PCSK2: variants seen among roughly 807,000 people sequenced by gnomAD.
PCSK2 encodes the protein proprotein convertase subtilisin/kexin type 2.
PCSK2 carries 14 observed loss-of-function variants against 69.7 expected under a neutral mutation model. That is an observed-to-expected ratio of 0.20 (90% CI 0.13 to 0.31). The LOEUF is 0.31. Among genes scored for constraint, PCSK2 ranks in the 10% least tolerant of loss-of-function variants. PCSK2 has a pLI of 1.00. For synonymous variants in PCSK2, 307 were observed against 320.7 expected (o/e 0.96, Z 0.46); for missense variants, 544 against 842.5 (o/e 0.65, Z 4.39).
At chr20:17,255,775 A>G (rs1987156094) in intron 1 of PCSK2, among the ~76,000 whole-genome samples, 1 of 152,156 alleles carries the variant, frequency 6.6e-6, no homozygotes, top group Admixed American at 6.5e-5. Context: ...ATTGATTTTC[A>G]GATGTTAAAA....
intron 10 of PCSK2, among the ~76,000 whole-genome samples, chr20:17,457,166 C>A (rs746921028): frequency 1.1e-4 from 16 of 152,224 alleles, no homozygotes; most frequent in Non-Finnish European, 1.6e-4. Flanking sequence ...AGAATGAACA[C>A]ATGGGCTTCA....
At chr20:17,249,380 G>T (rs6044697) in intron 1 of PCSK2, among the ~76,000 whole-genome samples, 2 of 151,140 alleles carry the variant, frequency 1.3e-5, no homozygotes, top group African/African-American at 2.4e-5. Context: ...GGTGGTGGGC[G>T]CCTGTAGTCC....
intron 2 of PCSK2, among the ~76,000 whole-genome samples, chr20:17,357,896 A>G (rs78937143): frequency 6.8e-6 from 1 of 147,320 alleles, no homozygotes; most frequent in South Asian, 2.1e-4. Flanking sequence ...CTCTGTCTCA[A>G]AAAAAAAAAA....
chr20:17,436,335 G>A (rs1056937486), intron 7 of PCSK2, among the ~76,000 whole-genome samples: 1 of 152,072 alleles, frequency 6.6e-6, no homozygotes, highest in Non-Finnish European at 1.5e-5. Context: ...ATATGTAGTA[G>A]CTTTATTTCT....
chr20:17,439,842 G>A (rs1033867362), intron 8 of PCSK2, among the ~76,000 whole-genome samples: 1 of 152,228 alleles, frequency 6.6e-6, no homozygotes, highest in Non-Finnish European at 1.5e-5. Flanking sequence ...TGCAAAGACA[G>A]TTTCCTTGGG....
At chr20:17,390,150 A>T (rs768240068) in intron 5 of PCSK2, among the ~76,000 whole-genome samples, 1 of 152,246 alleles carries the variant, frequency 6.6e-6, no homozygotes, top group Admixed American at 6.5e-5. Context: ...AGACAAATGC[A>T]AGAGTACATA....
At chr20:17,253,173 G>A (rs957319274) in intron 1 of PCSK2, among the ~76,000 whole-genome samples, 23 of 152,100 alleles carry the variant, frequency 1.5e-4, no homozygotes, top group African/African-American at 4.8e-4. Context: ...TCACAAAGCT[G>A]TTCATCATAG....
intron 2 of PCSK2, among the ~76,000 whole-genome samples, chr20:17,269,587 GA>G (rs947272160): frequency 6.6e-6 from 1 of 152,128 alleles, no homozygotes; most frequent in Non-Finnish European, 1.5e-5. Flanking sequence ...ATGAACTTAT[GA>G]AATTAAAGGA....
intron 2 of PCSK2, among the ~76,000 whole-genome samples, 190 bp from the exon 3 acceptor site, chr20:17,358,137 C>A (rs3834995): frequency 0.18 from 27,324 of 151,640 alleles, 2,870 homozygotes; most frequent in Non-Finnish European, 0.25. Flanking sequence ...GAGACCCCCC[C>A]TAATCTCTAC....
At position 17,423,930 on chromosome 20, in the gene PCSK2, G is replaced by A. The variant is rs189161794; in HGVS notation, c.621-5505G>A. ...ATACCATTTCACACCAACTGGACTAGCAAAAATGGTAACATTCAACAATGA... is the reference window on the plus strand; with the variant it reads ...ATACCATTTCACACCAACTGGACTAACAAAAATGGTAACATTCAACAATGA... On this transcript the variant is annotated intron_variant, in intron 6 of 11. Coordinates refer to ENST00000262545, the MANE Select transcript of PCSK2 (RefSeq NM_002594.5). Among the ~76,000 whole-genome samples, 4 of 152,248 alleles carry A rather than the reference G, an allele frequency of 2.6e-5. No individual in the cohort carries two copies. In the East Asian group the frequency reaches 7.7e-4, roughly 29 times the overall value.
At chr20:17,254,511 T>C (rs2122984281) in intron 1 of PCSK2, among the ~76,000 whole-genome samples, 1 of 152,318 alleles carries the variant, frequency 6.6e-6, no homozygotes, top group Admixed American at 6.5e-5. Context: ...GACCATAAGT[T>C]GATTATCATA....
chr20:17,450,452 G>A (rs6111539), intron 8 of PCSK2, among the ~76,000 whole-genome samples: 56,916 of 152,036 alleles, frequency 0.37, 11,032 homozygotes, highest in South Asian at 0.57. Context: ...TAAGTGCTAT[G>A]GAAATGCTTG....
intron 2 of PCSK2, among the ~76,000 whole-genome samples, chr20:17,285,305 A>G (rs573279013): frequency 6.6e-6 from 1 of 152,346 alleles, no homozygotes; most frequent in East Asian, 1.9e-4. Context: ...GTTAACATCA[A>G]GTCATGTCAG....
At chr20:17,354,795 G>T (rs1307779389) in intron 2 of PCSK2, among the ~76,000 whole-genome samples, 1 of 152,046 alleles carries the variant, frequency 6.6e-6, no homozygotes, top group Non-Finnish European at 1.5e-5. Flanking sequence ...CAACTTTATA[G>T]TATGATTACT....
At chr20:17,378,276 C>G (rs575722616) in intron 5 of PCSK2, among the ~76,000 whole-genome samples, 1 of 150,100 alleles carries the variant, frequency 6.7e-6, no homozygotes, top group East Asian at 2.0e-4. Context: ...TTTCTTGGGT[C>G]GATACAGCAT....
chr20:17,373,892 T>A (rs987025465), intron 5 of PCSK2, among the ~76,000 whole-genome samples: 1 of 152,174 alleles, frequency 6.6e-6, no homozygotes, highest in African/African-American at 2.4e-5. Context: ...TAAAGGATAA[T>A]AACGGCCACT....
rs58405286 is a variant in PCSK2, at chr20:17,468,566, G to A, written c.1430+3013G>A. Reference sequence around the variant, plus strand: ...GGTCAGCATCCTCCCACAGGCCAGCGTCCTGCTGTAGACGGGCAGCCTACC... The same window carrying A: ...GGTCAGCATCCTCCCACAGGCCAGCATCCTGCTGTAGACGGGCAGCCTACC... On this transcript the variant is annotated intron_variant, in intron 11 of 11. Transcript: ENST00000262545. Among the ~76,000 whole-genome samples the A allele has an allele frequency of 3.0e-3, 391 of 131,834 alleles. 4 individuals are homozygous for A. Among genetic ancestry groups the A allele is most frequent in the African/African-American group, 0.011 (368 of 34,090 alleles). 86.5% of individuals were successfully genotyped at this position (131,834 alleles called of 152,430 possible).
intron 2 of PCSK2, among the ~76,000 whole-genome samples, chr20:17,308,828 C>T (rs1989411938): frequency 6.6e-6 from 1 of 152,094 alleles, no homozygotes; most frequent in Admixed American, 6.5e-5. Flanking sequence ...TCCCATCTTC[C>T]AGGAGGCTAG....
intron 10 of PCSK2, chr20:17,464,976 A>T: frequency 3.2e-6 from 1 of 315,552 alleles, no homozygotes; most frequent in South Asian, 3.6e-5. Flanking sequence ...GTTTAGTTGG[A>T]ATTACTTGCA....
Sources: allele counts gnomAD v4.1 joint callset (sites outside exome capture counted in the v4.1 genomes callset), GRCh38; gene constraint gnomAD v4.1.1; transcripts MANE v1.5; gene names NCBI Gene and HGNC (gene_info 2026-07-23, HGNC 2026-07-21).